CTNND2: variants seen among roughly 807,000 people sequenced by gnomAD.
CTNND2 encodes the protein catenin delta 2.
In CTNND2, 22 loss-of-function variants were observed where a neutral mutation model predicts 144.4. That is an observed-to-expected ratio of 0.15 (90% CI 0.11 to 0.22). The LOEUF is 0.22. Among genes scored for constraint, CTNND2 ranks in the 10% least tolerant of loss-of-function variants. The pLI is 1.00. For synonymous variants in CTNND2, 751 were observed against 695.6 expected, an observed-to-expected ratio of 1.08 and a Z score of -1.25; for missense variants, 1,353 against 1,618.8, an observed-to-expected ratio of 0.84 and a Z score of 2.82.
chr5:11,190,757 C>T (rs976144750), intron 11 of CTNND2, among the ~76,000 whole-genome samples: 18 of 152,164 alleles, frequency 1.2e-4, no homozygotes, highest in Admixed American at 9.8e-4. Context: ...GTAACAGAGA[C>T]CTAGGGCCTA....
rs528419893 is a variant in CTNND2, at chr5:11,888,617, A to C, written c.37+15200T>G. Among the ~76,000 whole-genome samples the C allele has an allele frequency of 7.9e-5, 12 of 152,336 alleles. No homozygotes were observed. The East Asian group carries it at 2.3e-3, about 29-fold the overall frequency. On this transcript the variant is annotated intron_variant, in intron 1 of 21. Coordinates refer to ENST00000304623, the MANE Select transcript of CTNND2 (RefSeq NM_001332.4). ...AGCTCCTCCATTGAGGAGAGTGAAA[A>C]TAATTAGAATAGTTATTTTTATAGA... is the stretch of plus-strand genomic sequence containing the variant.
At chr5:11,620,149 T>C (rs1397775719) in intron 2 of CTNND2, among the ~76,000 whole-genome samples, 2 of 152,140 alleles carry the variant, frequency 1.3e-5, no homozygotes, top group African/African-American at 2.4e-5. Flanking sequence ...GGCTAATAGG[T>C]ATCCTAATCA....
At chr5:11,763,676 C>G (rs1789407864) in intron 1 of CTNND2, among the ~76,000 whole-genome samples, 1 of 152,204 alleles carries the variant, frequency 6.6e-6, no homozygotes, top group African/African-American at 2.4e-5. Context: ...AATTCACTGA[C>G]ACAATTTCAG....
chr5:11,253,069 G>T (rs752866581), intron 9 of CTNND2, among the ~76,000 whole-genome samples: 7 of 152,126 alleles, frequency 4.6e-5, no homozygotes, highest in Non-Finnish European at 7.4e-5. Context: ...TCAGTCTGAG[G>T]TTATTCCAGG....
At chr5:11,754,023 T>A (rs1246153430) in intron 1 of CTNND2, among the ~76,000 whole-genome samples, 1 of 151,658 alleles carries the variant, frequency 6.6e-6, no homozygotes, top group African/African-American at 2.4e-5. Flanking sequence ...AGTGGTAATG[T>A]CCTCTTTGTT....
At chr5:11,058,176 A>G (rs918899311) in intron 16 of CTNND2, among the ~76,000 whole-genome samples, 1 of 152,198 alleles carries the variant, frequency 6.6e-6, no homozygotes, top group African/African-American at 2.4e-5. Context: ...CGTAATGAGG[A>G]GCTGAATGTT....
chr5:11,836,008 C>G (rs1300601868), intron 1 of CTNND2, among the ~76,000 whole-genome samples: 1 of 152,102 alleles, frequency 6.6e-6, no homozygotes, highest in Non-Finnish European at 1.5e-5. Flanking sequence ...ATTTTTGATA[C>G]AATGCATTTT....
At chr5:11,027,438 A>T (rs1416675837) in intron 16 of CTNND2, 4 of 152,098 alleles carry the variant, frequency 2.6e-5, no homozygotes, top group Non-Finnish European at 5.9e-5. Context: ...TCCTTGGGCC[A>T]TTTCTTTTAA....
chr5:11,374,981 T>A (rs918193331), intron 7 of CTNND2, among the ~76,000 whole-genome samples: 1 of 152,060 alleles, frequency 6.6e-6, no homozygotes, highest in Non-Finnish European at 1.5e-5. Context: ...TGAACAGGAA[T>A]AAGGCTTAAC....
chr5:11,878,487 A>C (rs188848177), intron 1 of CTNND2, among the ~76,000 whole-genome samples: 1 of 152,200 alleles, frequency 6.6e-6, no homozygotes, highest in Non-Finnish European at 1.5e-5. Context: ...ATCAATACAT[A>C]GAGAAAACAG....
At chr5:11,844,955 G>A (rs1794660981) in intron 1 of CTNND2, among the ~76,000 whole-genome samples, 1 of 152,130 alleles carries the variant, frequency 6.6e-6, no homozygotes, top group Admixed American at 6.5e-5. Context: ...GGGGGGCAGG[G>A]GGGCAGGGAG....
intron 11 of CTNND2, among the ~76,000 whole-genome samples, chr5:11,175,162 T>C (rs1049868411): frequency 1.3e-5 from 2 of 152,162 alleles, no homozygotes; most frequent in East Asian, 3.8e-4. Context: ...TATGGATATA[T>C]ATGGTATAAA....
chr5:10,988,250 A>C lies in CTNND2; in HGVS notation c.3212-8T>G. ...GTGAAGCTGGGGCACTTGCTACATA[A>C]AGAAATCAAAAGGGGGATTTTCTGC... On this transcript the variant is annotated splice_polypyrimidine_tract_variant and splice_region_variant and intron_variant, in intron 19 of 21. Coordinates refer to ENST00000304623, the MANE Select transcript of CTNND2 (RefSeq NM_001332.4). This position sits in a 1 kb window ranked among gnomAD's most constrained non-coding sequence, Gnocchi z 5.9. 6.2e-7 allele frequency: 1 copy of C among 1,614,088 alleles called. No individual in the cohort carries two copies. The highest frequency in any genetic ancestry group is 8.5e-7 in the Non-Finnish European group (1 of 1,179,972).
intron 2 of CTNND2, among the ~76,000 whole-genome samples, chr5:11,610,850 A>G (rs2126379495): frequency 6.6e-6 from 1 of 152,326 alleles, no homozygotes; most frequent in Middle Eastern, 3.4e-3. Context: ...AAGTGATCAA[A>G]GGAAGCTCTT....
intron 7 of CTNND2, among the ~76,000 whole-genome samples, chr5:11,376,982 C>G: frequency 6.6e-6 from 1 of 152,128 alleles, no homozygotes; most frequent in East Asian, 1.9e-4. Flanking sequence ...GCTTATCACT[C>G]TACTTTCTAG....
chr5:11,466,833 A>G (rs928904661), intron 3 of CTNND2, among the ~76,000 whole-genome samples: 11 of 152,104 alleles, frequency 7.2e-5, no homozygotes, highest in Admixed American at 2.6e-4. Context: ...TGACAAACTC[A>G]TTTTCTGGGA....
At chr5:11,106,478 G>A (rs1345267301) in intron 14 of CTNND2, among the ~76,000 whole-genome samples, 2 of 152,246 alleles carry the variant, frequency 1.3e-5, no homozygotes, top group Non-Finnish European at 2.9e-5. Flanking sequence ...GAGCAGACTT[G>A]TGCCTACACC....
intron 1 of CTNND2, among the ~76,000 whole-genome samples, chr5:11,887,494 A>C (rs1238907648): frequency 6.8e-6 from 1 of 146,840 alleles, no homozygotes; most frequent in African/African-American, 2.5e-5. Flanking sequence ...GATCTTTAAA[A>C]ACTTTGAGCA....
intron 9 of CTNND2, among the ~76,000 whole-genome samples, chr5:11,273,964 C>T (rs1024262216): frequency 1.3e-5 from 2 of 152,220 alleles, no homozygotes; most frequent in South Asian, 2.1e-4. Flanking sequence ...TTTCCTGGGG[C>T]GGCCAGGGAG....
Sources: gnomAD v4.1 joint callset for allele counts (sites outside exome capture counted in the v4.1 genomes callset) on GRCh38, gnomAD v4.1.1 for gene constraint, Gnocchi (gnomAD v3.1) non-coding constraint, MANE v1.5 for transcripts, NCBI Gene and HGNC (gene_info 2026-07-23, HGNC 2026-07-21) for gene names.